The following FAM227B variants were observed in gnomAD, a reference collection of about 807,000 sequenced individuals.
FAM227B encodes the protein protein FAM227B.
In FAM227B, 88 loss-of-function variants were observed where a neutral mutation model predicts 73.8. The observed-to-expected ratio is 1.19, with a 90% CI of 1.00 to 1.42. FAM227B has a LOEUF of 1.42. Ranked by LOEUF, FAM227B falls within the 40% of genes most tolerant of loss-of-function variation. FAM227B has a pLI of 0.00. For missense variants in FAM227B, 632 were observed against 590.9 expected (o/e 1.07, Z -0.72); for synonymous variants, 210 against 190.5 (o/e 1.10, Z -0.84).
At chr15:49,394,653 A>C (rs1337671602) in intron 11 of FAM227B, among the ~76,000 whole-genome samples, 1 of 152,186 alleles carries the variant, frequency 6.6e-6, no homozygotes. Context: ...CGGCTTTTTC[A>C]GTGAACTGAA....
chr15:49,394,803 A>G (rs189704621), intron 11 of FAM227B, among the ~76,000 whole-genome samples: 5 of 152,288 alleles, frequency 3.3e-5, no homozygotes, highest in Admixed American at 2.6e-4. Flanking sequence ...TATTGCTGAG[A>G]TTTCATTTAT....
intron 11 of FAM227B, among the ~76,000 whole-genome samples, chr15:49,397,430 T>C (rs1026365997): frequency 2.0e-5 from 3 of 152,050 alleles, no homozygotes; most frequent in Non-Finnish European, 2.9e-5. Flanking sequence ...CTCTGCAGGA[T>C]ATTATCCAGG....
chr15:49,400,839 C>A (rs1215424487), intron 11 of FAM227B, among the ~76,000 whole-genome samples: 1 of 150,762 alleles, frequency 6.6e-6, no homozygotes, highest in African/African-American at 2.4e-5. Context: ...ACACCTTATA[C>A]AAAAATCAAT....
chr15:49,350,392 T>G (rs929983421), intron 13 of FAM227B, among the ~76,000 whole-genome samples: 4 of 152,232 alleles, frequency 2.6e-5, no homozygotes, highest in African/African-American at 4.8e-5. Context: ...CATACTTATA[T>G]TTCTTTAAAT....
At chr15:49,523,588 G>C (rs2059938718) in intron 10 of FAM227B, among the ~76,000 whole-genome samples, 1 of 152,134 alleles carries the variant, frequency 6.6e-6, no homozygotes, top group African/African-American at 2.4e-5. Context: ...GGTATAGTGG[G>C]GTGCTGCTAA....
At chr15:49,431,314 T>C (rs1367504197) in intron 11 of FAM227B, among the ~76,000 whole-genome samples, 1 of 151,870 alleles carries the variant, frequency 6.6e-6, no homozygotes, top group African/African-American at 2.4e-5. Flanking sequence ...AAGTTTTTTA[T>C]CTGCATTTGA....
intron 11 of FAM227B, among the ~76,000 whole-genome samples, chr15:49,401,881 C>A (rs1249219212): frequency 7.4e-6 from 1 of 134,878 alleles, no homozygotes; most frequent in Non-Finnish European, 1.6e-5. Flanking sequence ...GGGATAGCAT[C>A]GGGAGATATA....
chr15:49,618,241 T>C (rs1217647255), intron 1 of FAM227B, among the ~76,000 whole-genome samples: 1 of 152,174 alleles, frequency 6.6e-6, no homozygotes, highest in African/African-American at 2.4e-5. Context: ...TAGTTCATTT[T>C]TAAAAAGGGA....
chr15:49,393,293 A>G (rs1330290247), intron 11 of FAM227B, among the ~76,000 whole-genome samples: 2 of 152,026 alleles, frequency 1.3e-5, no homozygotes, highest in Non-Finnish European at 2.9e-5. Flanking sequence ...GCTGTGGTTC[A>G]CCCATATCAT....
chr15:49,546,838 A>C (rs1291986255), intron 9 of FAM227B, among the ~76,000 whole-genome samples: 1 of 152,190 alleles, frequency 6.6e-6, no homozygotes, highest in Non-Finnish European at 1.5e-5. Context: ...GGAGAATAGA[A>C]CCAAGTTAGA....
chr15:49,589,734 G>C (rs771763893), intron 4 of FAM227B, 42 bp downstream of exon 4: 22 of 1,224,844 alleles, frequency 1.8e-5, no homozygotes, highest in South Asian at 6.4e-5. Flanking sequence ...GAAACATAGT[G>C]AGACTCCATT....
intron 12 of FAM227B, among the ~76,000 whole-genome samples, chr15:49,369,150 G>C (rs886685717): frequency 6.6e-6 from 1 of 151,802 alleles, no homozygotes; most frequent in African/African-American, 2.4e-5. Flanking sequence ...GTAGAGACGG[G>C]GTATCACCGT....
intron 10 of FAM227B, among the ~76,000 whole-genome samples, chr15:49,515,789 T>C (rs1230999511): frequency 1.3e-5 from 2 of 152,202 alleles, no homozygotes; most frequent in East Asian, 3.8e-4. Flanking sequence ...TTAGATCTTC[T>C]CTTTGTGCCT....
At chr15:49,343,361 G>A (rs2041025517) in intron 13 of FAM227B, among the ~76,000 whole-genome samples, 1 of 151,976 alleles carries the variant, frequency 6.6e-6, no homozygotes, top group Admixed American at 6.6e-5. Context: ...TTGAGTTTTT[G>A]AATTCCAGAA....
intron 3 of FAM227B, among the ~76,000 whole-genome samples, chr15:49,606,627 G>A (rs1023726240): frequency 1.3e-5 from 2 of 152,144 alleles, no homozygotes; most frequent in Non-Finnish European, 2.9e-5. Context: ...CCCTTTATGT[G>A]TGAATATCAT....
intron 11 of FAM227B, among the ~76,000 whole-genome samples, chr15:49,397,940 T>C (rs2151613288): frequency 6.6e-6 from 1 of 151,776 alleles, no homozygotes; most frequent in Non-Finnish European, 1.5e-5. Context: ...CTGCATCAAC[T>C]AACCAGCAAA....
intron 13 of FAM227B, among the ~76,000 whole-genome samples, chr15:49,358,746 T>C (rs1555452729): frequency 6.6e-6 from 1 of 151,962 alleles, no homozygotes; most frequent in Non-Finnish European, 1.5e-5. Context: ...ACTTTAAAGT[T>C]CATATGGAAC....
At chr15:49,523,307 G>C (rs1042648019) in intron 10 of FAM227B, among the ~76,000 whole-genome samples, 8 of 152,120 alleles carry the variant, frequency 5.3e-5, no homozygotes, top group South Asian at 2.1e-4. Context: ...CATGATGGTA[G>C]GTTTTTCCCT....
intron 11 of FAM227B, among the ~76,000 whole-genome samples, chr15:49,484,081 T>C (rs978435396): frequency 7.2e-5 from 11 of 152,026 alleles, no homozygotes; most frequent in African/African-American, 1.9e-4. Flanking sequence ...ACATATTTCA[T>C]AACTAGCTGT....
Sources: allele counts gnomAD v4.1 joint callset (sites outside exome capture counted in the v4.1 genomes callset), GRCh38; gene constraint gnomAD v4.1.1; transcripts MANE v1.5; gene names NCBI Gene and HGNC (gene_info 2026-07-23, HGNC 2026-07-21).